Variants in DPP6 observed in about 807,000 individuals in gnomAD.
DPP6 encodes the protein A-type potassium channel modulatory protein DPP6.
Under a neutral mutation model 122.6 loss-of-function variants are expected in DPP6, and 69 were observed. The observed-to-expected ratio is 0.56, with a 90% CI of 0.46 to 0.69. The LOEUF is 0.69. DPP6 is among the 30% of genes least tolerant of loss of function. The pLI is 0.00. For synonymous variants in DPP6, 418 were observed against 433.1 expected, an observed-to-expected ratio of 0.97 and a Z score of 0.43; for missense variants, 928 against 1,116.9, an observed-to-expected ratio of 0.83 and a Z score of 2.41.
chr7:154,003,016 G>C (rs1190309795), intron 1 of DPP6, among the ~76,000 whole-genome samples: 1 of 152,102 alleles, frequency 6.6e-6, no homozygotes, highest in Non-Finnish European at 1.5e-5. Context: ...CCTTTTGAGG[G>C]GAGGAGAAAA....
intron 1 of DPP6, among the ~76,000 whole-genome samples, chr7:153,907,140 T>A (rs1190212860): frequency 6.6e-6 from 1 of 152,224 alleles, no homozygotes; most frequent in Non-Finnish European, 1.5e-5. Flanking sequence ...ACCATTCCCT[T>A]TTCTCTGCAT....
chr7:154,496,959 G>T (rs1257878011), intron 3 of DPP6, among the ~76,000 whole-genome samples: 1 of 152,040 alleles, frequency 6.6e-6, no homozygotes, highest in Non-Finnish European at 1.5e-5. Context: ...TTACATTCTG[G>T]CTCATCCATT....
At chr7:154,699,791 G>T (rs544759498) in intron 7 of DPP6, among the ~76,000 whole-genome samples, 1 of 152,212 alleles carries the variant, frequency 6.6e-6, no homozygotes, top group South Asian at 2.1e-4. Flanking sequence ...CCCCTTATGG[G>T]CAGGGCGACC....
At chr7:154,518,953 C>T (rs1826754693) in intron 3 of DPP6, among the ~76,000 whole-genome samples, 1 of 152,084 alleles carries the variant, frequency 6.6e-6, no homozygotes, top group Non-Finnish European at 1.5e-5. Flanking sequence ...GGTTAGGGAA[C>T]TACATCAGAC....
At chr7:154,032,498 A>G (rs1438649903) in intron 1 of DPP6, among the ~76,000 whole-genome samples, 1 of 152,230 alleles carries the variant, frequency 6.6e-6, no homozygotes, top group Non-Finnish European at 1.5e-5. Flanking sequence ...TAGTTTATCT[A>G]AGCCCAGACA....
At chr7:154,836,420 C>T (rs749258785) in intron 16 of DPP6, among the ~76,000 whole-genome samples, 1 of 152,176 alleles carries the variant, frequency 6.6e-6, no homozygotes, top group Non-Finnish European at 1.5e-5. Context: ...TTTTTGAGAT[C>T]GAACAGCTGT....
intron 1 of DPP6, among the ~76,000 whole-genome samples, chr7:154,060,487 A>C (rs1305173769): frequency 5.1e-5 from 7 of 137,050 alleles, no homozygotes; most frequent in South Asian, 2.4e-4. Flanking sequence ...TCCATCGTTG[A>C]TCCTAAGATC....
At chr7:154,565,042 C>T (rs989970602) in intron 4 of DPP6, among the ~76,000 whole-genome samples, 15 of 152,122 alleles carry the variant, frequency 9.9e-5, no homozygotes, top group Admixed American at 2.6e-4. Flanking sequence ...AGGCTGTGAA[C>T]GCCTTATGGA....
At chr7:154,796,228 T>A in intron 12 of DPP6, 1 of 240,218 alleles carries the variant, frequency 4.2e-6, no homozygotes. Context: ...TCTACTATAG[T>A]AAAAGGGTGG....
At chr7:154,438,348 T>C (rs1431132770) in intron 1 of DPP6, among the ~76,000 whole-genome samples, 1 of 151,252 alleles carries the variant, frequency 6.6e-6, no homozygotes, top group African/African-American at 2.4e-5. Flanking sequence ...CGGGAGCCTG[T>C]AGTCCCAGCT....
chr7:154,032,010 C>T (rs1467511376), intron 1 of DPP6, among the ~76,000 whole-genome samples: 1 of 150,432 alleles, frequency 6.6e-6, no homozygotes, highest in Non-Finnish European at 1.5e-5. Context: ...TACAGGTGCC[C>T]GCCATCACAC....
At chr7:153,763,308 T>C in the DPP6 span, among the ~76,000 whole-genome samples, 3 of 151,920 alleles carry the variant, frequency 2.0e-5, no homozygotes, top group Non-Finnish European at 4.4e-5. Context: ...AATAAAACTG[T>C]TTTTGTTGAG....
At chr7:154,352,716 C>A (rs1810974318) in intron 1 of DPP6, among the ~76,000 whole-genome samples, 1 of 152,048 alleles carries the variant, frequency 6.6e-6, no homozygotes, top group African/African-American at 2.4e-5. Flanking sequence ...AGGACAAGTA[C>A]CTCATGCATG....
rs79483197 is a variant in DPP6 at position 153,937,160 on chromosome 7, C to T, written c.51+49426C>T. Among the ~76,000 whole-genome samples the T allele has an allele frequency of 6.8e-3, 1,030 of 152,252 alleles. 8 individuals carry two copies. Among genetic ancestry groups the T allele is most frequent in the Non-Finnish European group, 9.1e-3 (619 of 68,016 alleles). On this transcript the variant is annotated intron_variant, in intron 1 of 25. Coordinates refer to the DPP6 transcript ENST00000404039. The stretch of plus-strand genomic sequence containing the variant: ...CCTTGACTCAGGAAAGTAGTCTGGT[C>T]TCAAGTTCTAGGGCCACCCTTAGGA...
intron 1 of DPP6, among the ~76,000 whole-genome samples, chr7:153,920,563 C>CTTTTTTTTTTTTTTTTTTTTTT (rs61553100): frequency 2.3e-5 from 2 of 88,690 alleles, no homozygotes; most frequent in Non-Finnish European, 4.0e-5. Flanking sequence ...TTATCTCTCT[C>CTTTTTTTTTTTTTTTTTTTTTT]TTTTTTTTTT....
intron 13 of DPP6, among the ~76,000 whole-genome samples, chr7:154,802,097 G>A (rs893889560): frequency 3.3e-5 from 5 of 152,096 alleles, no homozygotes; most frequent in African/African-American, 1.2e-4. Context: ...GGCTGCCATG[G>A]TGTTGACTTT....
At chr7:153,921,168 A>G (rs2129008504) in intron 1 of DPP6, among the ~76,000 whole-genome samples, 1 of 152,308 alleles carries the variant, frequency 6.6e-6, no homozygotes, top group Middle Eastern at 3.4e-3. Context: ...CATGTATTTT[A>G]GGTACAGGCT....
chr7:154,552,891 T>G (rs1829735864), intron 4 of DPP6, among the ~76,000 whole-genome samples: 2 of 152,194 alleles, frequency 1.3e-5, no homozygotes, highest in Admixed American at 1.3e-4. Context: ...AACTTCTTGA[T>G]TCAGAAACAG....
intron 1 of DPP6, among the ~76,000 whole-genome samples, chr7:154,209,928 C>T (rs1288536204): frequency 2.0e-5 from 3 of 152,196 alleles, no homozygotes; most frequent in Non-Finnish European, 4.4e-5. Context: ...AGTTAGACCC[C>T]AGTGTTCATG....
Sources: allele counts gnomAD v4.1 joint callset (sites outside exome capture counted in the v4.1 genomes callset), GRCh38; gene constraint gnomAD v4.1.1; transcripts MANE v1.5; gene names NCBI Gene and HGNC (gene_info 2026-07-23, HGNC 2026-07-21).